Variants in CEP152 observed in about 807,000 individuals in gnomAD.
The protein encoded by CEP152 is centrosomal protein 152, also known as centrosomal protein of 152 kDa.
In CEP152, 132 loss-of-function variants were observed where a neutral mutation model predicts 188.9. That is an observed-to-expected ratio of 0.70 (90% CI 0.61 to 0.81). The LOEUF (loss-of-function observed/expected upper bound fraction) is 0.81. Among genes scored for constraint, CEP152 ranks in the 30% least tolerant of loss-of-function variants. The pLI, the probability that CEP152 is intolerant of heterozygous loss-of-function variation, is 0.00. For missense variants in CEP152, 1,914 were observed against 1,969.8 expected (o/e 0.97, Z 0.54); for synonymous variants, 649 against 666.6 (o/e 0.97, Z 0.41).
At position 48,762,613 on chromosome 15, in the gene CEP152, A is replaced by T; in HGVS notation, c.2340T>A (p.Thr780=). The T allele has an allele frequency of 4.3e-6, 7 of 1,613,984 alleles. No homozygotes were observed. Among genetic ancestry groups the T allele is most frequent in the Non-Finnish European group, 5.9e-6 (7 of 1,179,990 alleles). The change falls in exon 18 of 27, where the codon ACT becomes ACA. Residue 780 remains threonine, a synonymous_variant. Transcript: ENST00000380950. Reference sequence around the variant, plus strand: ...AGGTCTTCTTTTTCATTGCCTTTATAGTTTGATCCAGCTTAGACTGCCACT... The same window carrying T: ...AGGTCTTCTTTTTCATTGCCTTTATTGTTTGATCCAGCTTAGACTGCCACT... ...EKEWQSKLDQ[T]IKAMKKKTLD... is the part of the protein sequence containing the mutation.
At chr15:48,744,200 A>G (rs773312803) in intron 24 of CEP152, 40 bp downstream of exon 24, 1 of 1,608,700 alleles carries the variant, frequency 6.2e-7, no homozygotes, top group Admixed American at 1.7e-5. Flanking sequence ...ATAATAAAAA[A>G]GGCCCAAGCC....
chr15:48,752,503 T>TA, intron 20 of CEP152, 34 bp from the exon 21 acceptor site: 1 of 1,608,706 alleles, frequency 6.2e-7, no homozygotes, highest in Non-Finnish European at 8.5e-7. Flanking sequence ...TAATGCTTAG[T>TA]AAAAATCTTT....
intron 17 of CEP152, among the ~76,000 whole-genome samples, chr15:48,765,932 G>A (rs374966122): frequency 3.3e-5 from 5 of 152,194 alleles, no homozygotes; most frequent in Admixed American, 2.6e-4. Context: ...GATTACAGGC[G>A]TGAGCCACTG....
chr15:48,793,179 G>T, intron 7 of CEP152, 142 bp downstream of exon 7: 1 of 913,380 alleles, frequency 1.1e-6, no homozygotes, highest in Non-Finnish European at 1.7e-6. Flanking sequence ...GAAATCCTGG[G>T]TTTTGTTTTG....
chr15:48,744,296 C>T lies in CEP152; in HGVS notation c.3779G>A (p.Gly1260Glu), dbSNP rs778040674. 5.8e-5 allele frequency: 94 copies of T among 1,613,898 alleles called. No individual in the cohort carries two copies. The highest frequency in any genetic ancestry group is 7.6e-5 in the Non-Finnish European group (90 of 1,179,978). ...AIENACLPCSGGALEELRGQY... is the reference protein window; with the variant it reads ...AIENACLPCSEGALEELRGQY... ...CCCACGAAGTTCTTCCAAGGCTCCC[C>T]CACTGCATGGCAGGCAAGCATTTTC... is the stretch of plus-strand genomic sequence containing the variant. The change falls in exon 24 of 27, where the codon GGG (glycine) becomes GAG (glutamate). Residue 1260 changes from glycine (G) to glutamate (E), a missense_variant. Physicochemically the swap from Gly to Glu is moderately conservative, Grantham distance 98. Transcript: ENST00000380950.
intron 21 of CEP152, among the ~76,000 whole-genome samples, chr15:48,752,125 T>C (rs1427519507): frequency 4.6e-5 from 7 of 152,234 alleles, no homozygotes; most frequent in East Asian, 1.9e-4. Context: ...ATTCTCCTTG[T>C]AACAAGAATC....
intron 12 of CEP152, among the ~76,000 whole-genome samples, chr15:48,774,523 C>T (rs1205459529): frequency 1.3e-5 from 2 of 152,294 alleles, no homozygotes; most frequent in East Asian, 1.9e-4. Flanking sequence ...TAAATTTGTA[C>T]AAGCCTCAGT....
chr15:48,784,911 T>TGA (rs543964352), intron 9 of CEP152, among the ~76,000 whole-genome samples: 107 of 152,280 alleles, frequency 7.0e-4, no homozygotes, highest in African/African-American at 2.5e-3. Context: ...ACGGGAGTCC[T>TGA]GAGTCCAGGT....
chr15:48,787,818 C>T (rs901058181), intron 9 of CEP152, among the ~76,000 whole-genome samples: 15 of 152,170 alleles, frequency 9.9e-5, no homozygotes, highest in African/African-American at 3.6e-4. Flanking sequence ...AAATGTTATT[C>T]ACTCAAGTGA....
chr15:48,762,834 C>T (rs1894788948), intron 17 of CEP152, among the ~76,000 whole-genome samples, 162 bp from the exon 18 acceptor site: 1 of 152,180 alleles, frequency 6.6e-6, no homozygotes, highest in Admixed American at 6.5e-5. Context: ...TTAAAATACA[C>T]TCTCAAGTAA....
chr15:48,751,931 C>T (rs886630147), intron 21 of CEP152, among the ~76,000 whole-genome samples: 1 of 152,150 alleles, frequency 6.6e-6, no homozygotes, highest in African/African-American at 2.4e-5. Context: ...TGCCCAGGCC[C>T]TCAGAAAAAC....
chr15:48,746,517 G>GTTGTTAAA (rs1893442055), intron 22 of CEP152, among the ~76,000 whole-genome samples: 1 of 152,124 alleles, frequency 6.6e-6, no homozygotes, highest in Admixed American at 6.6e-5. Context: ...ATGAATTGCA[G>GTTGTTAAA]TTGTTAAATT....
chr15:48,747,201 T>A (rs1477055897), intron 22 of CEP152, among the ~76,000 whole-genome samples: 1 of 152,172 alleles, frequency 6.6e-6, no homozygotes, highest in Non-Finnish European at 1.5e-5. Flanking sequence ...ACTAGAAGCA[T>A]AAAGAGTCAG....
intron 17 of CEP152, chr15:48,765,618 C>A (rs1396802225): frequency 2.7e-6 from 1 of 377,264 alleles, no homozygotes; most frequent in South Asian, 1.9e-5. Context: ...TGAGAAAATT[C>A]CTCTTATGTT....
chr15:48,802,741 T>C (rs1469093344), intron 2 of CEP152, among the ~76,000 whole-genome samples: 1 of 152,238 alleles, frequency 6.6e-6, no homozygotes, highest in Non-Finnish European at 1.5e-5. Flanking sequence ...TTCCTTTTTC[T>C]GAATGTTAAA....
At chr15:48,753,191 G>T (rs1182425059) in intron 20 of CEP152, among the ~76,000 whole-genome samples, 1 of 152,074 alleles carries the variant, frequency 6.6e-6, no homozygotes, top group African/African-American at 2.4e-5. Context: ...CAGGCTGAAG[G>T]GCATTGGCGC....
In CEP152 at chr15:48,752,421, G is replaced by C. The variant is rs199917740; in HGVS notation, c.3394C>G (p.Gln1132Glu). The C allele has an allele frequency of 1.2e-4, 197 of 1,613,720 alleles. 1 individual carries two copies. The highest frequency in any genetic ancestry group is 6.7e-5 in the Admixed American group (4 of 60,002). Reference protein sequence around the residue: ...SKDSASQGTGQGDPGPAAGHH... With the variant: ...SKDSASQGTGEGDPGPAAGHH... ...CCAGCAGCAGGTCCAGGGTCTCCTTGGCCAGTGCCCTGGCTGGCAGAATCC... is the reference window on the plus strand; with the variant it reads ...CCAGCAGCAGGTCCAGGGTCTCCTTCGCCAGTGCCCTGGCTGGCAGAATCC... Residue 1132 changes from glutamine to glutamate, a missense_variant, in exon 21 of 27, where the codon CAA becomes GAA. Transcript: ENST00000380950.
At chr15:48,791,032 C>T (rs1026575570) in intron 8 of CEP152, among the ~76,000 whole-genome samples, 1 of 152,142 alleles carries the variant, frequency 6.6e-6, no homozygotes, top group Non-Finnish European at 1.5e-5. Flanking sequence ...AAACAGTTCT[C>T]CAAATGGAGA....
rs745888966 is a variant in CEP152 at position 48,738,607 on chromosome 15, T to C, written c.4775A>G (p.His1592Arg). The change falls in exon 27 of 27, where the codon CAT (histidine) becomes CGT (arginine). Residue 1592 changes from histidine to arginine, a missense_variant. Physicochemically the swap from His to Arg is conservative, Grantham distance 29 (BLOSUM62 0). Coordinates refer to ENST00000380950, the MANE Select transcript of CEP152 (RefSeq NM_001194998.2). The stretch of plus-strand genomic sequence containing the variant: ...TTCCAAAGTTCCTTGTGGCCTACCA[T>C]GTACAAATGATGCTTCACGACTGTC... ...SFDSREASFV[H>R]GRPQGTLEIP... 8.1e-6 allele frequency: 13 copies of C among 1,614,216 alleles called. No homozygotes were observed. The highest frequency in any genetic ancestry group is 5.0e-5 in the Admixed American group (3 of 60,032).
Sources: allele counts gnomAD v4.1 joint callset (sites outside exome capture counted in the v4.1 genomes callset), GRCh38; gene constraint gnomAD v4.1.1; transcripts MANE v1.5; gene names NCBI Gene and HGNC (gene_info 2026-07-23, HGNC 2026-07-21).